Variants in FGD4 observed in about 807,000 individuals in gnomAD.
The protein encoded by FGD4 is FYVE, RhoGEF and PH domain-containing protein 4.
FGD4 carries 42 observed loss-of-function variants against 102.0 expected under a neutral mutation model. The observed-to-expected ratio is 0.41, with a 90% CI of 0.32 to 0.53. The LOEUF (loss-of-function observed/expected upper bound fraction) is 0.53, where lower values mean the gene tolerates loss of function less well. FGD4 is among the 20% of genes least tolerant of loss of function. The pLI is 0.21. For missense variants in FGD4, 902 were observed against 1,078.2 expected, an observed-to-expected ratio of 0.84 and a Z score of 2.29; for synonymous variants, 380 against 375.7, an observed-to-expected ratio of 1.01 and a Z score of -0.13.
intron 2 of FGD4, among the ~76,000 whole-genome samples, chr12:32,576,049 G>A (rs1245311875): frequency 1.3e-5 from 2 of 152,080 alleles, no homozygotes; most frequent in Non-Finnish European, 2.9e-5. Flanking sequence ...AAAATTAAAA[G>A]AACCACTTAA....
chr12:32,618,897 T>TA (rs1349514415), intron 10 of FGD4, among the ~76,000 whole-genome samples: 1 of 152,200 alleles, frequency 6.6e-6, no homozygotes, highest in Non-Finnish European at 1.5e-5. Context: ...ACCCAGAAGT[T>TA]AAAGACTGCA....
chr12:32,484,183 T>G (rs920741392), intron 1 of FGD4, among the ~76,000 whole-genome samples: 4 of 152,192 alleles, frequency 2.6e-5, no homozygotes, highest in African/African-American at 9.7e-5. Flanking sequence ...TCAATTTTCT[T>G]ATCCATGCAA....
chr12:32,603,149 A>G (rs1281648370), intron 7 of FGD4, among the ~76,000 whole-genome samples: 1 of 152,196 alleles, frequency 6.6e-6, no homozygotes, highest in Non-Finnish European at 1.5e-5. Flanking sequence ...TTGTGAGTCT[A>G]TAATACAGTG....
rs1951160515 is a variant in FGD4 at position 32,641,646 on chromosome 12, G to T, written c.*1113G>T. 1 of 152,164 alleles carries T rather than the reference G, an allele frequency of 6.6e-6. No homozygotes were observed. The highest frequency in any genetic ancestry group is 1.9e-4 in the East Asian group (1 of 5,194). The allele number at this position is 152,164 out of a possible 1,614,324, so 9.4% of individuals were successfully genotyped here. On this transcript the variant is annotated 3_prime_UTR_variant, in exon 17 of 17. Transcript: ENST00000534526. ...CTGACCTTTTACAGAACTAGGATAT[G>T]TGGAAACCACATTTATCGTAATGTT...
chr12:32,459,130 G>A (rs539378959), intron 1 of FGD4, among the ~76,000 whole-genome samples: 1 of 151,374 alleles, frequency 6.6e-6, no homozygotes, highest in Non-Finnish European at 1.5e-5. Flanking sequence ...GAAGAGTTGG[G>A]CCAGCAAAGA....
In FGD4 at chr12:32,606,414, A is replaced by G. The variant is rs80178351; in HGVS notation, c.1405-1543A>G. Among the ~76,000 whole-genome samples, 976 of 152,016 alleles carry G rather than the reference A, an allele frequency of 6.4e-3. 7 individuals carry two copies. The highest frequency in any genetic ancestry group is 0.023 in the African/African-American group (940 of 41,438). On this transcript the variant is annotated intron_variant, in intron 7 of 16. Coordinates refer to ENST00000534526, the MANE Select transcript of FGD4 (RefSeq NM_001370298.3). ...GAAAAAAATCTAAACTCACCTTGAC[A>G]TTATTACCCATATTACCATTACTTT...
intron 1 of FGD4, among the ~76,000 whole-genome samples, chr12:32,551,085 G>T (rs981126205): frequency 6.6e-5 from 10 of 152,108 alleles, no homozygotes; most frequent in African/African-American, 1.9e-4. Flanking sequence ...ATCCAAAATG[G>T]TCTATTGGTA....
intron 1 of FGD4, among the ~76,000 whole-genome samples, chr12:32,518,819 A>G (rs1291784203): frequency 1.6e-5 from 2 of 122,878 alleles, no homozygotes; most frequent in Non-Finnish European, 3.3e-5. Flanking sequence ...TTTACAAAAG[A>G]AAAAAAAAAC....
chr12:32,467,437 G>A (rs563974753), intron 1 of FGD4, among the ~76,000 whole-genome samples: 1 of 151,930 alleles, frequency 6.6e-6, no homozygotes, highest in Admixed American at 6.6e-5. Context: ...TCCTTGTGGT[G>A]GTATATAACT....
chr12:32,534,278 T>C, intron 1 of FGD4: 1 of 1,308,522 alleles, frequency 7.6e-7, no homozygotes, highest in Non-Finnish European at 9.8e-7. Context: ...ATGTTTTGCA[T>C]AAGGTCGTCC....
chr12:32,459,840 A>G (rs1309415574), intron 1 of FGD4, among the ~76,000 whole-genome samples: 3 of 152,046 alleles, frequency 2.0e-5, no homozygotes, highest in African/African-American at 4.8e-5. Flanking sequence ...CTAGGACTAC[A>G]GGCATACGGC....
At chr12:32,480,797 C>A (rs1449284725) in intron 1 of FGD4, among the ~76,000 whole-genome samples, 2 of 145,834 alleles carry the variant, frequency 1.4e-5, no homozygotes, top group African/African-American at 2.5e-5. Context: ...CCACGCCCGG[C>A]CTTTTTTTTT....
chr12:32,456,160 T>C (rs1048873776), intron 1 of FGD4, among the ~76,000 whole-genome samples: 1 of 152,168 alleles, frequency 6.6e-6, no homozygotes, highest in Non-Finnish European at 1.5e-5. Context: ...TCTTGGCAAA[T>C]ATTATAGCTC....
At chr12:32,577,706 G>C (rs551400203) in intron 3 of FGD4, among the ~76,000 whole-genome samples, 1 of 152,276 alleles carries the variant, frequency 6.6e-6, no homozygotes, top group South Asian at 2.1e-4. Context: ...TTGCTATCTT[G>C]AATTACAGTG....
At chr12:32,640,192 G>T in intron 16 of FGD4, 84 bp from the exon 17 acceptor site, 1 of 1,603,962 alleles carries the variant, frequency 6.2e-7, no homozygotes, top group South Asian at 1.1e-5. Flanking sequence ...GACAGTGGTA[G>T]GAAGAGAGGT....
At chr12:32,425,556 T>C (rs927930165) in intron 1 of FGD4, among the ~76,000 whole-genome samples, 2 of 152,062 alleles carry the variant, frequency 1.3e-5, no homozygotes, top group Admixed American at 1.3e-4. Context: ...GCTATATGAG[T>C]TCTTTTTTGG....
rs527936318 is a variant in FGD4, at chr12:32,576,714, C to T, written c.503+265C>T. ...GTGTGCTTTGGTATCTGTGTGCTTT[C>T]TCTCGTTTCCTCTGTATCTCTGTGT... On this transcript the variant is annotated intron_variant, in intron 3 of 16. Transcript: ENST00000534526. Among the ~76,000 whole-genome samples, 59 of 152,282 alleles carry T rather than the reference C, an allele frequency of 3.9e-4. 1 individual carries two copies. Among genetic ancestry groups the T allele is most frequent in the African/African-American group, 1.3e-3 (56 of 41,556 alleles).
intron 1 of FGD4, among the ~76,000 whole-genome samples, chr12:32,490,633 G>A (rs1461924922): frequency 1.3e-5 from 2 of 152,044 alleles, no homozygotes; most frequent in Non-Finnish European, 2.9e-5. Flanking sequence ...TCCTGACCTT[G>A]TGATCCACCC....
At chr12:32,492,717 C>T (rs1231003892) in intron 1 of FGD4, among the ~76,000 whole-genome samples, 4 of 152,072 alleles carry the variant, frequency 2.6e-5, no homozygotes, top group Admixed American at 2.6e-4. Context: ...GAAAAGATAT[C>T]ATCAGGAGTC....
Sources: gnomAD v4.1 joint callset for allele counts (sites outside exome capture counted in the v4.1 genomes callset) on GRCh38, gnomAD v4.1.1 for gene constraint, MANE v1.5 for transcripts, NCBI Gene and HGNC (gene_info 2026-07-23, HGNC 2026-07-21) for gene names.